Variants in PHYHD1 observed in about 807,000 individuals in gnomAD.
PHYHD1 encodes phytanoyl-CoA dioxygenase domain-containing protein 1.
A neutral mutation model predicts 43.6 loss-of-function variants in PHYHD1; 42 were observed. The ratio of observed to expected loss-of-function variants is 0.96; its 90% CI spans 0.75 to 1.25. PHYHD1 has a LOEUF of 1.25. PHYHD1 is among the 50% of genes most tolerant of loss of function. The pLI is 0.00. For synonymous variants in PHYHD1, 139 were observed against 143.6 expected (o/e 0.97, Z 0.23); for missense variants, 342 against 370.8 (o/e 0.92, Z 0.64).
At chr9:128,932,181 ATTATTT>A (rs1841306734) in intron 4 of PHYHD1, among the ~76,000 whole-genome samples, 1 of 107,692 alleles carries the variant, frequency 9.3e-6, no homozygotes, top group African/African-American at 4.4e-5. Flanking sequence ...TATTATTATT[ATTATTT>A]TTTTTTTTTG....
intron 3 of PHYHD1, 84 bp downstream of exon 3, chr9:128,922,440 C>A: frequency 2.0e-6 from 3 of 1,469,858 alleles, no homozygotes; most frequent in East Asian, 2.5e-5. Flanking sequence ...CCCAACCCAC[C>A]CCCTGCCCCA....
chr9:128,932,184 A>ATTATTTT (rs1400960079), intron 4 of PHYHD1, among the ~76,000 whole-genome samples: 8 of 108,666 alleles, frequency 7.4e-5, no homozygotes, highest in Admixed American at 2.2e-4. Flanking sequence ...TATTATTATT[A>ATTATTTT]TTTTTTTTTT....
chr9:128,932,343 G>A lies in PHYHD1; in HGVS notation c.193-1439G>A, dbSNP rs139907464. Among the ~76,000 whole-genome samples, 320 of 150,476 alleles carry A rather than the reference G, an allele frequency of 2.1e-3. 8 individuals are homozygous for A. In the East Asian group the frequency reaches 0.055, roughly 26 times the overall value. ...ACAACAGGTGCCCACCACCACACTCGGCTAATTTTTTGTACTTTTGTTTTT... is the reference window on the plus strand; with the variant it reads ...ACAACAGGTGCCCACCACCACACTCAGCTAATTTTTTGTACTTTTGTTTTT... On this transcript the variant is annotated intron_variant, in intron 4 of 12. Coordinates refer to ENST00000372592, the MANE Select transcript of PHYHD1 (RefSeq NM_001100876.2).
At position 128,940,460 on chromosome 9, in the gene PHYHD1, G is replaced by A. The variant is rs1242315026; in HGVS notation, c.549G>A (p.Glu183=). Residue 183 remains glutamate (E), a synonymous_variant, in exon 10 of 13, where the codon GAG becomes GAA. Transcript: ENST00000372592. ...TCGCAGTGGAGGATGCCACGCTGGAGAACGGCTGTCTCTGGTTCATCCCTG... is the reference window on the plus strand; with the variant it reads ...TCGCAGTGGAGGATGCCACGCTGGAAAACGGCTGTCTCTGGTTCATCCCTG... ...VWIAVEDATL[E]NGCLWFIPGS... is the part of the protein sequence containing the mutation. The A allele has an allele frequency of 3.7e-6, 6 of 1,613,654 alleles. No individual in the cohort carries two copies. The highest frequency in any genetic ancestry group is 4.2e-6 in the Non-Finnish European group (5 of 1,179,922).
chr9:128,926,558 CTTTTTTTT>C (rs56677426), intron 3 of PHYHD1, among the ~76,000 whole-genome samples: 2 of 119,130 alleles, frequency 1.7e-5, no homozygotes, highest in East Asian at 2.4e-4. Context: ...CTTTTTCTTT[CTTTTTTTT>C]TTTTTTTTTT....
chr9:128,930,347 G>T (rs1841238688), intron 4 of PHYHD1, among the ~76,000 whole-genome samples: 1 of 151,602 alleles, frequency 6.6e-6, no homozygotes, highest in Non-Finnish European at 1.5e-5. Flanking sequence ...AGGCTGAGGT[G>T]GAAGGATCAC....
chr9:128,940,231 G>A (rs937852476), intron 9 of PHYHD1, 138 bp from the exon 10 acceptor site: 44 of 1,342,858 alleles, frequency 3.3e-5, no homozygotes, highest in Non-Finnish European at 4.5e-5. Context: ...CCTGGGCCAG[G>A]AAGTGATGAG....
In PHYHD1 at chr9:128,921,418, C is replaced by T. The variant is rs1019469577; in HGVS notation, c.-410C>T. Reference sequence around the variant, plus strand: ...CGTTCACGCCATTCTCCTGCCTCAGCCTCGCGAGCAGCTGGGACTACAGGT... The same window carrying T: ...CGTTCACGCCATTCTCCTGCCTCAGTCTCGCGAGCAGCTGGGACTACAGGT... On this transcript the variant is annotated 5_prime_UTR_variant, in exon 1 of 13. Coordinates refer to ENST00000372592, the MANE Select transcript of PHYHD1 (RefSeq NM_001100876.2). The T allele has an allele frequency of 5.3e-5, 8 of 152,376 alleles. No individual in the cohort carries two copies. Among genetic ancestry groups the T allele is most frequent in the Admixed American group, 2.0e-4 (3 of 15,284 alleles). The allele number at this position is 152,376 out of a possible 1,614,324, so 9.4% of individuals were successfully genotyped here. A position where few individuals can be genotyped will look rare whatever the true frequency, so the allele number is the denominator to read the frequency against.
In PHYHD1 at chr9:128,940,349, C is replaced by T. The variant is rs1355630762; in HGVS notation, c.458-20C>T. The T allele has an allele frequency of 1.2e-6, 2 of 1,613,270 alleles. No individual in the cohort carries two copies. Among genetic ancestry groups the T allele is most frequent in the Non-Finnish European group, 1.7e-6 (2 of 1,179,452 alleles). ...AACAGGCAAAAGGATGAGCTCCTCA[C>T]CCCCCGTGGGCCTGCTTAGTCTCCC... On this transcript the variant is annotated intron_variant, in intron 9 of 12. Coordinates refer to ENST00000372592, the MANE Select transcript of PHYHD1 (RefSeq NM_001100876.2).
chr9:128,929,148 G>A (rs1841209744), intron 4 of PHYHD1, among the ~76,000 whole-genome samples: 1 of 152,070 alleles, frequency 6.6e-6, no homozygotes, highest in African/African-American at 2.4e-5. Context: ...GGTCAACAAA[G>A]TGAGACCTGT....
At chr9:128,930,716 G>A (rs780576864) in intron 4 of PHYHD1, among the ~76,000 whole-genome samples, 22 of 152,068 alleles carry the variant, frequency 1.4e-4, no homozygotes, top group Non-Finnish European at 2.5e-4. Flanking sequence ...TTGGGAGGCC[G>A]AGGCGGGGGG....
chr9:128,929,095 A>G (rs1318041749), intron 4 of PHYHD1, among the ~76,000 whole-genome samples: 1 of 151,746 alleles, frequency 6.6e-6, no homozygotes, highest in African/African-American at 2.4e-5. Context: ...TTGGGAGGCC[A>G]AGCAGGGAGG....
In PHYHD1 at chr9:128,940,493, C is replaced by T. The variant is rs759037212; in HGVS notation, c.582C>T (p.His194=). 6.2e-7 allele frequency: 1 copy of T among 1,614,176 alleles called. No homozygotes were observed. The highest frequency in any genetic ancestry group is 1.1e-5 in the South Asian group (1 of 91,088). The change falls in exon 10 of 13, where the codon CAC becomes CAT. Residue 194 remains histidine (H), a synonymous_variant. Transcript: ENST00000372592. The part of the protein sequence containing the change: ...NGCLWFIPGS[H]TSGVSRRMVR... ...GTCTCTGGTTCATCCCTGGCTCCCA[C>T]ACCAGTGAGGAACCCTGTCTCTTCT...
intron 11 of PHYHD1, among the ~76,000 whole-genome samples, 163 bp downstream of exon 11, chr9:128,940,878 C>G (rs1841542646): frequency 6.6e-6 from 1 of 152,154 alleles, no homozygotes; most frequent in Non-Finnish European, 1.5e-5. Context: ...CAGGAAGCAG[C>G]ATGTTTTCCT....
chr9:128,928,261 G>C (rs1336966683), intron 4 of PHYHD1, among the ~76,000 whole-genome samples: 2 of 152,300 alleles, frequency 1.3e-5, no homozygotes, highest in South Asian at 4.1e-4. Flanking sequence ...CCATTCGGGG[G>C]GATACTGGGG....
rs545949715 is a variant in PHYHD1 at position 128,922,265 on chromosome 9, C to T, written c.-41-18C>T. 3.7e-3 allele frequency: 5,712 copies of T among 1,547,934 alleles called. 13 individuals are homozygous for T. Among genetic ancestry groups the T allele is most frequent in the Non-Finnish European group, 4.5e-3 (5,136 of 1,145,604 alleles). ...GGTTAAGTCCTCCCAGGCTCCTAAA[C>T]TTTCTCCTCCCCACCAGGAGGCCGC... On this transcript the variant is annotated intron_variant, in intron 2 of 12. Coordinates refer to ENST00000372592, the MANE Select transcript of PHYHD1 (RefSeq NM_001100876.2).
Position 128,940,623 on chromosome 9 carries a change from G to C in PHYHD1, c.611G>C (p.Arg204Pro), listed in dbSNP as rs915843519. 1 of 1,614,038 alleles carries C rather than the reference G, an allele frequency of 6.2e-7. No homozygotes were observed. Among genetic ancestry groups the C allele is most frequent in the Admixed American group, 1.7e-5 (1 of 59,992 alleles). ...GGTGGTGTGTCAAGAAGGATGGTCC[G>C]GGCCCCTGTTGGCTCAGCGCCTGGT... ...HTSGVSRRMV[R>P]APVGSAPGTS... The change falls in exon 11 of 13, where the codon CGG (arginine) becomes CCG (proline). Residue 204 changes from arginine to proline, a missense_variant. Physicochemically the swap from Arg to Pro is moderately radical, Grantham distance 103. Coordinates refer to ENST00000372592, the MANE Select transcript of PHYHD1 (RefSeq NM_001100876.2).
At position 128,941,557 on chromosome 9, in the gene PHYHD1, G is replaced by A; in HGVS notation, c.816G>A (p.Trp272Ter). 1.9e-6 allele frequency: 3 copies of A among 1,614,134 alleles called. No individual in the cohort carries two copies. Among genetic ancestry groups the A allele is most frequent in the Non-Finnish European group, 2.5e-6 (3 of 1,180,036 alleles). ...TCATGGAGGCCTCTGGCACCACCTGGAGCCCGGAGAACTGGTAGGTGACAG... is the reference window on the plus strand; with the variant it reads ...TCATGGAGGCCTCTGGCACCACCTGAAGCCCGGAGAACTGGTAGGTGACAG... ...FHLMEASGTTWSPENWLQPTA... is the reference protein window; with the variant it reads ...FHLMEASGTT The change falls in exon 12 of 13, where the codon TGG becomes TGA. Residue 272 changes from tryptophan to a stop codon, truncating the protein, a stop_gained. Coordinates refer to ENST00000372592, the MANE Select transcript of PHYHD1 (RefSeq NM_001100876.2). LOFTEE classifies it high-confidence loss of function.
In PHYHD1 at chr9:128,921,670, T is replaced by A. The variant is rs1043223198; in HGVS notation, c.-160+2T>A. ...ATGCCAAGTATCTTGGGCCTGAGGG[T>A]GGGTAACAGGAAGCATCTCTCTCTC... On this transcript the variant is annotated splice_donor_variant, in intron 1 of 12. Transcript: ENST00000372592. LOFTEE classifies it low-confidence loss of function (5UTR_SPLICE). 30 of 152,282 alleles carry A rather than the reference T, an allele frequency of 2.0e-4. No homozygotes were observed. The highest frequency in any genetic ancestry group is 7.2e-4 in the African/African-American group (30 of 41,530). The allele number at this position is 152,282 out of a possible 1,614,324, so 9.4% of individuals were successfully genotyped here.
Sources: gnomAD v4.1 joint callset for allele counts (sites outside exome capture counted in the v4.1 genomes callset) on GRCh38, gnomAD v4.1.1 for gene constraint, MANE v1.5 for transcripts, NCBI Gene and HGNC (gene_info 2026-07-23, HGNC 2026-07-21) for gene names.